Variants in SLC16A10 observed in about 807,000 individuals in gnomAD.
SLC16A10 encodes monocarboxylate transporter 10.
Under a neutral mutation model 40.0 loss-of-function variants are expected in SLC16A10, and 27 were observed. The ratio of observed to expected loss-of-function variants is 0.67; its 90% CI spans 0.50 to 0.93. SLC16A10 has a LOEUF of 0.93. Ranked by LOEUF, SLC16A10 falls within the 40% of genes least tolerant of loss-of-function variation. The pLI, the probability that SLC16A10 is intolerant of heterozygous loss-of-function variation, is 0.00. For missense variants in SLC16A10, 529 were observed against 658.2 expected (o/e 0.80, Z 2.15); for synonymous variants, 213 against 249.8 (o/e 0.85, Z 1.39).
intron 3 of SLC16A10, among the ~76,000 whole-genome samples, chr6:111,202,911 A>C (rs993306225): frequency 9.4e-6 from 1 of 106,618 alleles, no homozygotes; most frequent in Non-Finnish European, 2.0e-5. Context: ...AAAAAAAAAA[A>C]AAAAAAAAAA....
chr6:111,168,523 C>G (rs192040703), intron 1 of SLC16A10, among the ~76,000 whole-genome samples: 1 of 152,212 alleles, frequency 6.6e-6, no homozygotes, highest in African/African-American at 2.4e-5. Flanking sequence ...AACAACAGTC[C>G]ATTTTATTTT....
rs193076968 is a variant in SLC16A10 at position 111,215,170 on chromosome 6, A to G, written c.1087-3644A>G. 7.2e-5 allele frequency among the ~76,000 whole-genome samples: 11 copies of G among 152,256 alleles called. No individual in the cohort carries two copies. In the East Asian group the frequency reaches 1.7e-3, roughly 24 times the overall value. ...AAATATTATGCTCAAAATATATAGC[A>G]ATAAGTTGGAAACTTTTACTTGAAT... is the stretch of plus-strand genomic sequence containing the variant. On this transcript the variant is annotated intron_variant, in intron 4 of 5. Coordinates refer to ENST00000368851, the MANE Select transcript of SLC16A10 (RefSeq NM_018593.5).
At chr6:111,198,504 A>G (rs1382167843) in intron 3 of SLC16A10, among the ~76,000 whole-genome samples, 2 of 152,176 alleles carry the variant, frequency 1.3e-5, no homozygotes, top group African/African-American at 4.8e-5. Context: ...TGGTGTAGTC[A>G]CTACATACCT....
At chr6:111,114,531 A>G (rs910356293) in intron 1 of SLC16A10, among the ~76,000 whole-genome samples, 5 of 152,260 alleles carry the variant, frequency 3.3e-5, no homozygotes, top group Non-Finnish European at 7.3e-5. Flanking sequence ...AATGTTAAAA[A>G]TATGCATTTT....
At chr6:111,218,705 AG>A (rs903110533) in intron 4 of SLC16A10, 108 bp from the exon 5 acceptor site, 38 of 831,406 alleles carry the variant, frequency 4.6e-5, no homozygotes, top group African/African-American at 1.2e-4. Flanking sequence ...AGGCAGTGGC[AG>A]GGGGGAAAGG....
intron 1 of SLC16A10, among the ~76,000 whole-genome samples, chr6:111,110,008 A>C (rs1254329607): frequency 1.3e-5 from 2 of 152,180 alleles, no homozygotes; most frequent in Non-Finnish European, 2.9e-5. Context: ...GAGATAAAAA[A>C]GTAGGAGTGA....
intron 1 of SLC16A10, among the ~76,000 whole-genome samples, chr6:111,134,522 G>A (rs1205803846): frequency 6.6e-6 from 1 of 151,776 alleles, no homozygotes; most frequent in African/African-American, 2.4e-5. Flanking sequence ...TTATAATAGA[G>A]ATCAGGAGGA....
rs557438401 is a variant in SLC16A10 at position 111,168,129 on chromosome 6, G to A, written c.344-4566G>A. 3.3e-5 allele frequency among the ~76,000 whole-genome samples: 5 copies of A among 152,066 alleles called. No individual in the cohort carries two copies. The East Asian group carries it at 7.8e-4, about 24-fold the overall frequency. ...CGAATAGCTGGGATTACAGGCACCC[G>A]CCACCACACCCAGCTAATTTTTGTA... On this transcript the variant is annotated intron_variant, in intron 1 of 5. Coordinates refer to ENST00000368851, the MANE Select transcript of SLC16A10 (RefSeq NM_018593.5).
chr6:111,217,240 G>C (rs1773440503), intron 4 of SLC16A10, among the ~76,000 whole-genome samples: 1 of 152,160 alleles, frequency 6.6e-6, no homozygotes, highest in African/African-American at 2.4e-5. Context: ...ATCTTCATCA[G>C]CAAAATGGAG....
intron 1 of SLC16A10, among the ~76,000 whole-genome samples, chr6:111,154,166 C>G (rs181579649): frequency 6.6e-6 from 1 of 152,210 alleles, no homozygotes; most frequent in East Asian, 1.9e-4. Context: ...AATTTTTCTT[C>G]TTAACTAGCT....
intron 1 of SLC16A10, among the ~76,000 whole-genome samples, chr6:111,144,042 TG>T (rs1285708480): frequency 6.6e-6 from 1 of 151,986 alleles, no homozygotes; most frequent in Non-Finnish European, 1.5e-5. Context: ...ACTACTCTGG[TG>T]GGGGATGTTT....
At chr6:111,154,927 G>A (rs1031268051) in intron 1 of SLC16A10, among the ~76,000 whole-genome samples, 5 of 150,758 alleles carry the variant, frequency 3.3e-5, no homozygotes, top group Non-Finnish European at 7.4e-5. Context: ...GGAGGCTGAG[G>A]CAGGAGAATT....
intron 1 of SLC16A10, among the ~76,000 whole-genome samples, chr6:111,161,729 C>A (rs566821010): frequency 6.6e-6 from 1 of 152,248 alleles, no homozygotes; most frequent in Non-Finnish European, 1.5e-5. Context: ...GTAAGGACAG[C>A]TCAAAAATCC....
chr6:111,105,262 GTTATC>G (rs1263658688), intron 1 of SLC16A10, among the ~76,000 whole-genome samples: 4 of 152,102 alleles, frequency 2.6e-5, no homozygotes, highest in Non-Finnish European at 4.4e-5. Flanking sequence ...AGCAGATGAT[GTTATC>G]TTATATATTC....
At chr6:111,143,027 C>G (rs1772011396) in intron 1 of SLC16A10, among the ~76,000 whole-genome samples, 1 of 152,160 alleles carries the variant, frequency 6.6e-6, no homozygotes, top group Non-Finnish European at 1.5e-5. Flanking sequence ...ATGGAGTACT[C>G]AGTGCTAAAA....
At chr6:111,203,898 A>G in intron 3 of SLC16A10, among the ~76,000 whole-genome samples, 1 of 152,182 alleles carries the variant, frequency 6.6e-6, no homozygotes, top group East Asian at 1.9e-4. Context: ...GGGAAATAAT[A>G]AACCACTAAT....
chr6:111,160,424 T>C (rs1356658920), intron 1 of SLC16A10, among the ~76,000 whole-genome samples: 1 of 152,208 alleles, frequency 6.6e-6, no homozygotes, highest in Non-Finnish European at 1.5e-5. Context: ...TTTTTTTAAG[T>C]AGAGACAGGG....
rs1190829176 is a variant in SLC16A10 at position 111,186,210 on chromosome 6, G to T, written c.942+8545G>T. ...AAGCCACTGCATCTGGCCTTCACTAGGTTTTTCATTTTGTTTTGCATGTGT... is the reference window on the plus strand; with the variant it reads ...AAGCCACTGCATCTGGCCTTCACTATGTTTTTCATTTTGTTTTGCATGTGT... On this transcript the variant is annotated intron_variant, in intron 3 of 5. Transcript: ENST00000368851. 5.3e-5 allele frequency among the ~76,000 whole-genome samples: 8 copies of T among 152,186 alleles called. No individual in the cohort carries two copies. The East Asian group carries it at 1.5e-3, about 29-fold the overall frequency.
intron 1 of SLC16A10, chr6:111,091,106 A>T (rs1444957543): frequency 6.6e-6 from 1 of 152,226 alleles, no homozygotes; most frequent in Non-Finnish European, 1.5e-5. Context: ...CTTTTCAGAT[A>T]TGGGAACTCA....
Sources: gnomAD v4.1 joint callset for allele counts (sites outside exome capture counted in the v4.1 genomes callset) on GRCh38, gnomAD v4.1.1 for gene constraint, MANE v1.5 for transcripts, NCBI Gene and HGNC (gene_info 2026-07-23, HGNC 2026-07-21) for gene names.